The following PCCA variants were observed in gnomAD, a reference collection of about 807,000 sequenced individuals.
The protein encoded by PCCA is propionyl-CoA carboxylase subunit alpha, also known as propionyl-CoA carboxylase alpha chain, mitochondrial.
Under a neutral mutation model 101.3 loss-of-function variants are expected in PCCA, and 74 were observed. The observed-to-expected ratio is 0.73, with a 90% confidence interval of 0.61 to 0.89. The LOEUF (loss-of-function observed/expected upper bound fraction) is 0.89. PCCA is among the 40% of genes least tolerant of loss of function. The probability of loss-of-function intolerance (pLI) is 0.00; values close to 1 mark genes in which losing one functional copy is unlikely to be tolerated. For synonymous variants in PCCA, 294 were observed against 313.6 expected (o/e 0.94, Z 0.66); for missense variants, 891 against 907.0 (o/e 0.98, Z 0.23).
intron 2 of PCCA, among the ~76,000 whole-genome samples, chr13:100,104,013 T>C (rs1454432409): frequency 6.6e-6 from 1 of 152,342 alleles, no homozygotes; most frequent in Middle Eastern, 3.4e-3. Context: ...AAAATGCTAT[T>C]ACAATAATGT....
chr13:100,112,206 A>G lies in PCCA; in HGVS notation c.300+145A>G. Reference sequence around the variant, plus strand: ...ACTTGTTCACTGTTGTGTTAAGCAAAACGACAGTATCACAGTATCTTCTAT... The same window carrying G: ...ACTTGTTCACTGTTGTGTTAAGCAAGACGACAGTATCACAGTATCTTCTAT... On this transcript the variant is annotated intron_variant, in intron 4 of 23. Transcript: ENST00000376285. 4.6e-6 allele frequency: 3 copies of G among 648,754 alleles called. No individual in the cohort carries two copies. In the South Asian group the frequency reaches 5.5e-5, roughly 12 times the overall value. 40.2% of individuals were successfully genotyped at this position (648,754 alleles called of 1,614,324 possible).
intron 23 of PCCA, among the ~76,000 whole-genome samples, chr13:100,528,877 T>G (rs910374972): frequency 5.3e-5 from 8 of 152,224 alleles, no homozygotes; most frequent in African/African-American, 1.9e-4. Context: ...CCATCCATGA[T>G]GAGAACTTGG....
At chr13:100,516,743 G>GTGTGTA (rs2086852624) in intron 22 of PCCA, among the ~76,000 whole-genome samples, 1 of 132,588 alleles carries the variant, frequency 7.5e-6, no homozygotes, top group Admixed American at 7.4e-5. Flanking sequence ...TTACGTGTGT[G>GTGTGTA]TGTGTGTGTG....
At chr13:100,181,322 T>C (rs539462277) in intron 6 of PCCA, among the ~76,000 whole-genome samples, 2 of 152,356 alleles carry the variant, frequency 1.3e-5, no homozygotes, top group South Asian at 4.1e-4. Flanking sequence ...TATCCCATTG[T>C]GCTAGGCACT....
intron 21 of PCCA, among the ~76,000 whole-genome samples, chr13:100,510,431 TAA>T (rs2086393774): frequency 6.6e-6 from 1 of 152,236 alleles, no homozygotes; most frequent in Non-Finnish European, 1.5e-5. Context: ...GGAATTGAAA[TAA>T]GTGTTTGTCC....
chr13:100,265,977 G>A (rs1415540281), intron 10 of PCCA, among the ~76,000 whole-genome samples: 1 of 152,182 alleles, frequency 6.6e-6, no homozygotes, highest in African/African-American at 2.4e-5. Context: ...GATAAATCAA[G>A]GTTGAAATGC....
intron 4 of PCCA, among the ~76,000 whole-genome samples, chr13:100,114,369 G>A (rs1341381957): frequency 6.6e-6 from 1 of 152,204 alleles, no homozygotes; most frequent in Non-Finnish European, 1.5e-5. Context: ...TTGAGGTCAT[G>A]AGTTTGAGAC....
rs71717873 is a variant in PCCA, at chr13:100,401,556, G to GT, written c.1747-24069dup. On this transcript the variant is annotated intron_variant, in intron 19 of 23. Transcript: ENST00000376285. ...CGTGCCCAGCCAACTGTTTTTTTGT[G>GT]TTTTTTTTATTTTTTTTTAATTGTA... Among the ~76,000 whole-genome samples the GT allele has an allele frequency of 3.1e-3, 467 of 151,716 alleles. 1 individual carries two copies. The highest frequency in any genetic ancestry group is 0.01 in the Middle Eastern group (3 of 294).
intron 2 of PCCA, among the ~76,000 whole-genome samples, chr13:100,106,669 C>T (rs1412347926): frequency 1.3e-5 from 2 of 152,086 alleles, no homozygotes; most frequent in African/African-American, 4.8e-5. Context: ...CCTGTCTCCA[C>T]CTCCCAAAGT....
At chr13:100,414,881 C>G (rs1053356101) in intron 19 of PCCA, among the ~76,000 whole-genome samples, 2 of 152,128 alleles carry the variant, frequency 1.3e-5, no homozygotes, top group Admixed American at 1.3e-4. Flanking sequence ...AACAGTCTTG[C>G]AAATATGCAG....
chr13:100,436,160 C>A (rs114294509), intron 20 of PCCA, among the ~76,000 whole-genome samples: 139 of 152,274 alleles, frequency 9.1e-4, no homozygotes, highest in African/African-American at 3.3e-3. Context: ...TTCCAAATAC[C>A]TGCTAGAAGT....
chr13:100,349,467 T>C (rs1032829836), intron 18 of PCCA, among the ~76,000 whole-genome samples: 4 of 152,044 alleles, frequency 2.6e-5, no homozygotes, highest in Non-Finnish European at 2.9e-5. Context: ...TTTGCCCTGC[T>C]GGCCAGGCTG....
intron 21 of PCCA, among the ~76,000 whole-genome samples, chr13:100,507,199 A>G (rs1056083602): frequency 1.3e-5 from 2 of 152,218 alleles, no homozygotes; most frequent in African/African-American, 4.8e-5. Flanking sequence ...TATTTTGTGC[A>G]TTCTGTACAG....
intron 19 of PCCA, among the ~76,000 whole-genome samples, chr13:100,396,413 C>A (rs570821635): frequency 6.6e-5 from 10 of 152,110 alleles, no homozygotes; most frequent in Non-Finnish European, 1.3e-4. Context: ...GTAATAAGCA[C>A]CCCAGAAATG....
intron 8 of PCCA, among the ~76,000 whole-genome samples, chr13:100,241,405 A>G (rs1196293027): frequency 6.6e-6 from 1 of 152,132 alleles, no homozygotes. Context: ...AGGTTCATCC[A>G]TGTTCTACCG....
intron 6 of PCCA, among the ~76,000 whole-genome samples, chr13:100,160,199 A>G (rs2054304546): frequency 6.6e-6 from 1 of 152,166 alleles, no homozygotes; most frequent in South Asian, 2.1e-4. Context: ...CCTGCTGTCC[A>G]TGACTTGAAA....
In PCCA at chr13:100,321,684, G is replaced by C. The variant is rs113976102; in HGVS notation, c.1430-8877G>C. 3.5e-3 allele frequency among the ~76,000 whole-genome samples: 527 copies of C among 150,484 alleles called. 8 individuals are homozygous for C. Among genetic ancestry groups the C allele is most frequent in the African/African-American group, 0.012 (512 of 41,030 alleles). ...TATATATGTATATAGTGAAGAATAT[G>C]ATCGATTCTGATATATATAACTTTT... is the stretch of plus-strand genomic sequence containing the variant. On this transcript the variant is annotated intron_variant, in intron 16 of 23. Coordinates refer to ENST00000376285, the MANE Select transcript of PCCA (RefSeq NM_000282.4).
intron 20 of PCCA, among the ~76,000 whole-genome samples, chr13:100,441,834 A>C (rs141635625): frequency 4.6e-5 from 7 of 152,278 alleles, no homozygotes; most frequent in African/African-American, 1.7e-4. Context: ...GGCATTGAAT[A>C]CTTTGTTTTT....
At chr13:100,308,272 AT>A (rs2066621787) in intron 15 of PCCA, among the ~76,000 whole-genome samples, 1 of 152,140 alleles carries the variant, frequency 6.6e-6, no homozygotes, top group African/African-American at 2.4e-5. Context: ...GTCCTTTTTA[AT>A]GTTATAGTTG....
Sources: gnomAD v4.1 joint callset for allele counts (sites outside exome capture counted in the v4.1 genomes callset) on GRCh38, gnomAD v4.1.1 for gene constraint, MANE v1.5 for transcripts, NCBI Gene and HGNC (gene_info 2026-07-23, HGNC 2026-07-21) for gene names.